CERKL: variants seen among roughly 807,000 people sequenced by gnomAD.
CERKL encodes ceramide kinase-like protein.
CERKL carries 61 observed loss-of-function variants against 63.4 expected under a neutral mutation model. The observed-to-expected ratio is 0.96, with a 90% confidence interval of 0.78 to 1.19. The LOEUF (loss-of-function observed/expected upper bound fraction) is 1.19. Ranked by LOEUF, CERKL falls within the 50% of genes most tolerant of loss-of-function variation. The pLI is 0.00. For synonymous variants in CERKL, 250 were observed against 230.5 expected (o/e 1.08, Z -0.77); for missense variants, 675 against 655.5 (o/e 1.03, Z -0.33).
intron 1 of CERKL, among the ~76,000 whole-genome samples, chr2:181,645,537 A>C (rs1262576189): frequency 6.6e-6 from 1 of 152,214 alleles, no homozygotes; most frequent in African/African-American, 2.4e-5. Context: ...TTGGACTGTG[A>C]AATGGGCCAG....
chr2:181,552,219 C>A (rs1688016590), intron 5 of CERKL, among the ~76,000 whole-genome samples: 1 of 152,240 alleles, frequency 6.6e-6, no homozygotes. Context: ...TTCAAGAGAT[C>A]TGTTATACAA....
chr2:181,568,602 C>T (rs1004231820), intron 3 of CERKL, among the ~76,000 whole-genome samples: 15 of 151,722 alleles, frequency 9.9e-5, no homozygotes, highest in African/African-American at 1.9e-4. Flanking sequence ...AAATCCAAAA[C>T]GCTTCAACAT....
chr2:181,541,550 G>C (rs537400485), intron 11 of CERKL, among the ~76,000 whole-genome samples: 2 of 152,278 alleles, frequency 1.3e-5, no homozygotes, highest in African/African-American at 4.8e-5. Flanking sequence ...ATATTATTCT[G>C]ACAACAAGAG....
intron 3 of CERKL, among the ~76,000 whole-genome samples, chr2:181,566,382 C>A (rs1475891949): frequency 1.3e-5 from 2 of 152,160 alleles, no homozygotes; most frequent in African/African-American, 4.8e-5. Context: ...ATAGTGGTTA[C>A]CCAATTTGTC....
intron 3 of CERKL, among the ~76,000 whole-genome samples, chr2:181,572,796 G>A (rs3889746): frequency 1.8e-5 from 2 of 112,754 alleles, no homozygotes; most frequent in Admixed American, 8.7e-5. Flanking sequence ...TTTTTTTTTT[G>A]AACTTTCTTC....
Position 181,603,730 on chromosome 2 carries a change from A to C in CERKL, c.481+107T>G, listed in dbSNP as rs778650774. The C allele has an allele frequency of 1.6e-5, 18 of 1,127,846 alleles. No homozygotes were observed. In the African/African-American group the frequency reaches 2.6e-4, roughly 16 times the overall value. 69.9% of individuals were successfully genotyped at this position (1,127,846 alleles called of 1,614,324 possible). The stretch of plus-strand genomic sequence containing the variant: ...CACGACAAAAACTAGGAACAGAAGG[A>C]AACTATCTCAACATCACTAAAGTTG... On this transcript the variant is annotated intron_variant, in intron 2 of 12. Transcript: ENST00000410087.
intron 1 of CERKL, among the ~76,000 whole-genome samples, chr2:181,630,230 G>C (rs528026068): frequency 3.9e-5 from 6 of 152,062 alleles, no homozygotes; most frequent in African/African-American, 1.4e-4. Context: ...TGCCCCCCCA[G>C]AGTCGGGGTT....
At chr2:181,654,618 T>A (rs1032396135) in intron 1 of CERKL, among the ~76,000 whole-genome samples, 3 of 152,176 alleles carry the variant, frequency 2.0e-5, no homozygotes, top group Non-Finnish European at 4.4e-5. Flanking sequence ...CCCCACCACA[T>A]CCTACCATAT....
chr2:181,548,725 T>C lies in CERKL; in HGVS notation c.1028A>G (p.Asn343Ser). The C allele has an allele frequency of 2.5e-6, 4 of 1,614,056 alleles. No individual in the cohort carries two copies. Among genetic ancestry groups the C allele is most frequent in the Non-Finnish European group, 2.5e-6 (3 of 1,179,958 alleles). The change falls in exon 7 of 13, where the codon AAC (asparagine) becomes AGC (serine). Residue 343 changes from asparagine (N) to serine (S), a missense_variant. Asn to Ser is a conservative substitution (Grantham distance 46). Coordinates refer to ENST00000410087, the MANE Select transcript of CERKL (RefSeq NM_201548.5). Reference sequence around the variant, plus strand: ...AACAACAGCAAAATCTCTCCGTTGGTTAGGGGACATCCATCGATATTTTTC... The same window carrying C: ...AACAACAGCAAAATCTCTCCGTTGGCTAGGGGACATCCATCGATATTTTTC... ...LAEKYRWMSP[N>S]QRRDFAVVKA... is the part of the protein sequence containing the mutation.
chr2:181,547,823 A>G lies in CERKL; in HGVS notation c.1158T>C (p.Ser386=). 1 of 1,614,094 alleles carries G rather than the reference A, an allele frequency of 6.2e-7. No homozygotes were observed. The highest frequency in any genetic ancestry group is 8.5e-7 in the Non-Finnish European group (1 of 1,179,990). Residue 386 remains serine (S), a splice_region_variant and synonymous_variant, in exon 9 of 13, where the codon TCT becomes TCC. Transcript: ENST00000410087. ...TCAAGGAGATACTTTTCGACTCACC[A>G]GATTTGGGAGATCCCTGTGCCCTCC... ...QERRAQGSPK[S]DCNDQWQMIQ...
At chr2:181,583,496 A>C (rs925687461) in intron 2 of CERKL, among the ~76,000 whole-genome samples, 1 of 152,246 alleles carries the variant, frequency 6.6e-6, no homozygotes, top group Non-Finnish European at 1.5e-5. Context: ...CTTTAGATTG[A>C]AAATTCAGTT....
chr2:181,614,585 T>C (rs1172711881), intron 1 of CERKL, among the ~76,000 whole-genome samples: 1 of 152,240 alleles, frequency 6.6e-6, no homozygotes. Flanking sequence ...ACATCTTTTA[T>C]GTCTGCTTCA....
At chr2:181,643,110 T>G (rs1687519153) in intron 1 of CERKL, among the ~76,000 whole-genome samples, 1 of 152,182 alleles carries the variant, frequency 6.6e-6, no homozygotes, top group Non-Finnish European at 1.5e-5. Context: ...CACCAGACAG[T>G]GGGCCCCATT....
intron 1 of CERKL, among the ~76,000 whole-genome samples, chr2:181,647,975 A>C (rs1375842959): frequency 6.6e-6 from 1 of 152,158 alleles, no homozygotes; most frequent in Non-Finnish European, 1.5e-5. Context: ...GACCAGATCA[A>C]GCAGAAGAAA....
Position 181,609,533 on chromosome 2 carries a change from T to TAAAAAAAAAAAAAAAAAAAAAAAA in CERKL, c.239-5455_239-5454insTTTTTTTTTTTTTTTTTTTTTTTT, listed in dbSNP as rs869037405. 7.5e-4 allele frequency among the ~76,000 whole-genome samples: 53 copies of TAAAAAAAAAAAAAAAAAAAAAAAA among 70,210 alleles called. 1 individual carries two copies. The highest frequency in any genetic ancestry group is 1.1e-3 in the African/African-American group (23 of 21,090). 46.1% of individuals were successfully genotyped at this position (70,210 alleles called of 152,430 possible). On this transcript the variant is annotated intron_variant, in intron 1 of 12. Coordinates refer to ENST00000410087, the MANE Select transcript of CERKL (RefSeq NM_201548.5). ...CACCATGGTGAAACCCTGTCTCTAC[T>TAAAAAAAAAAAAAAAAAAAAAAAA]AAAAAAAAAAAAAAAAAAAAAAATT...
At chr2:181,565,414 T>C in intron 4 of CERKL, 1 of 1,586,140 alleles carries the variant, frequency 6.3e-7, no homozygotes, top group Non-Finnish European at 8.7e-7. Context: ...AAAATGGCAA[T>C]GAAATTTATA....
intron 2 of CERKL, among the ~76,000 whole-genome samples, chr2:181,602,825 T>G (rs1192202456): frequency 6.6e-6 from 1 of 152,180 alleles, no homozygotes; most frequent in African/African-American, 2.4e-5. Context: ...GCCTCTACTC[T>G]GATCTGACTG....
At chr2:181,654,913 T>C (rs545121141) in intron 1 of CERKL, among the ~76,000 whole-genome samples, 1 of 152,200 alleles carries the variant, frequency 6.6e-6, no homozygotes, top group African/African-American at 2.4e-5. Context: ...GCCTCCCAAG[T>C]AGCTGGGATT....
intron 5 of CERKL, among the ~76,000 whole-genome samples, chr2:181,552,564 C>A (rs1303775420): frequency 6.6e-6 from 1 of 152,138 alleles, no homozygotes; most frequent in Non-Finnish European, 1.5e-5. Context: ...AAACCTCTTT[C>A]CTTTATAAAT....
Sources: allele counts gnomAD v4.1 joint callset (sites outside exome capture counted in the v4.1 genomes callset), GRCh38; gene constraint gnomAD v4.1.1; transcripts MANE v1.5; gene names NCBI Gene and HGNC (gene_info 2026-07-23, HGNC 2026-07-21).